SLC24A4: variants seen among roughly 807,000 people sequenced by gnomAD.
The protein encoded by SLC24A4 is solute carrier family 24 member 4, also known as sodium/potassium/calcium exchanger 4.
SLC24A4 carries 53 observed loss-of-function variants against 79.0 expected under a neutral mutation model. The ratio of observed to expected loss-of-function variants is 0.67; its 90% confidence interval spans 0.54 to 0.84. The LOEUF (loss-of-function observed/expected upper bound fraction) is 0.84, where lower values mean the gene tolerates loss of function less well. Among genes scored for constraint, SLC24A4 ranks in the 40% least tolerant of loss-of-function variants. The pLI, the probability that SLC24A4 is intolerant of heterozygous loss-of-function variation, is 0.00. For synonymous variants in SLC24A4, 323 were observed against 323.8 expected (o/e 1.00, Z 0.03); for missense variants, 731 against 822.0 (o/e 0.89, Z 1.35).
rs1444683440 is a variant in SLC24A4, at chr14:92,343,669, CTT to C, written c.241+17692_241+17693del. 9.1e-3 allele frequency among the ~76,000 whole-genome samples: 1,211 copies of C among 132,834 alleles called. 14 individuals are homozygous for C. The highest frequency in any genetic ancestry group is 0.021 in the East Asian group (96 of 4,566). 87.1% of individuals were successfully genotyped at this position (132,834 alleles called of 152,430 possible). On this transcript the variant is annotated intron_variant, in intron 2 of 16. Coordinates refer to ENST00000532405, the MANE Select transcript of SLC24A4 (RefSeq NM_153646.4). ...CTTTCCTTCTTTCCTTCCTTCCTTC[CTT>C]CCTTCCTTCCTTCCTTCCTTCCTTC...
At chr14:92,340,486 A>T (rs2141615435) in intron 2 of SLC24A4, among the ~76,000 whole-genome samples, 1 of 152,264 alleles carries the variant, frequency 6.6e-6, no homozygotes, top group Middle Eastern at 3.4e-3. Flanking sequence ...GTGAGAGAGA[A>T]CTTGACCAAA....
At chr14:92,484,648 G>A in intron 13 of SLC24A4, 1 of 985,348 alleles carries the variant, frequency 1.0e-6, no homozygotes, top group South Asian at 4.7e-5. Flanking sequence ...CTCACACTTG[G>A]AACACCCTGG....
At chr14:92,468,411 C>T (rs967650190) in intron 12 of SLC24A4, among the ~76,000 whole-genome samples, 13 of 152,132 alleles carry the variant, frequency 8.5e-5, no homozygotes, top group African/African-American at 3.1e-4. Flanking sequence ...ACAAGCTGAT[C>T]CTAAAATTCA....
intron 2 of SLC24A4, among the ~76,000 whole-genome samples, chr14:92,340,353 C>T (rs1306969261): frequency 6.6e-6 from 1 of 152,242 alleles, no homozygotes; most frequent in Non-Finnish European, 1.5e-5. Flanking sequence ...CCCGGCATGG[C>T]TGGAAGCCTT....
chr14:92,374,729 A>G (rs1001120390), intron 2 of SLC24A4, among the ~76,000 whole-genome samples: 3 of 152,244 alleles, frequency 2.0e-5, no homozygotes, highest in Non-Finnish European at 2.9e-5. Flanking sequence ...TAAGGCTTAA[A>G]AAATAGAATG....
chr14:92,361,395 G>C lies in SLC24A4; in HGVS notation c.241+35417G>C, dbSNP rs1005294150. Among the ~76,000 whole-genome samples the C allele has an allele frequency of 4.0e-5, 6 of 151,820 alleles. 1 individual carries two copies. Among genetic ancestry groups the C allele is most frequent in the Admixed American group, 2.0e-4 (3 of 15,222 alleles). ...GGCTTGGGAAAGTGCAAAGGAGGGG[G>C]CAGCTTGATGAACTACTTTGAACCA... On this transcript the variant is annotated intron_variant, in intron 2 of 16. Coordinates refer to ENST00000532405, the MANE Select transcript of SLC24A4 (RefSeq NM_153646.4).
At chr14:92,436,327 G>A (rs1364305524) in intron 3 of SLC24A4, among the ~76,000 whole-genome samples, 1 of 152,034 alleles carries the variant, frequency 6.6e-6, no homozygotes, top group East Asian at 1.9e-4. Context: ...TTTTATTGGA[G>A]CACTGCCACA....
chr14:92,492,995 C>G, intron 16 of SLC24A4: 1 of 381,110 alleles, frequency 2.6e-6, no homozygotes. Context: ...CACACACACA[C>G]ACACACACAC....
chr14:92,387,701 A>C (rs1313587520), intron 2 of SLC24A4, among the ~76,000 whole-genome samples: 1 of 152,198 alleles, frequency 6.6e-6, no homozygotes, highest in East Asian at 1.9e-4. Context: ...ACCCATGAGC[A>C]CTAACTCCAC....
chr14:92,377,121 A>G (rs1016953518), intron 2 of SLC24A4, among the ~76,000 whole-genome samples: 2 of 152,184 alleles, frequency 1.3e-5, no homozygotes, highest in Non-Finnish European at 2.9e-5. Flanking sequence ...AGGGATGAGT[A>G]ACCTCTCCAG....
intron 2 of SLC24A4, among the ~76,000 whole-genome samples, chr14:92,388,853 A>G (rs974655689): frequency 3.9e-5 from 6 of 152,192 alleles, no homozygotes; most frequent in Non-Finnish European, 7.3e-5. Context: ...ACTGGGGCCC[A>G]GGAGACATCT....
At position 92,387,664 on chromosome 14, in the gene SLC24A4, T is replaced by C. The variant is rs75775139; in HGVS notation, c.242-46248T>C. Among the ~76,000 whole-genome samples the C allele has an allele frequency of 1.7e-3, 263 of 152,332 alleles. 1 individual carries two copies. The highest frequency in any genetic ancestry group is 6.2e-3 in the African/African-American group (256 of 41,588). ...TCACCACCATTGGTCTCCAGAACTTTCTCACCATCCCAAGCTGAACCTCTG... is the reference window on the plus strand; with the variant it reads ...TCACCACCATTGGTCTCCAGAACTTCCTCACCATCCCAAGCTGAACCTCTG... On this transcript the variant is annotated intron_variant, in intron 2 of 16. Transcript: ENST00000532405.
At chr14:92,395,818 T>A (rs1415155789) in intron 2 of SLC24A4, among the ~76,000 whole-genome samples, 2 of 151,054 alleles carry the variant, frequency 1.3e-5, no homozygotes, top group Admixed American at 1.3e-4. Context: ...TTTTCATATT[T>A]ATTATTTATT....
intron 2 of SLC24A4, among the ~76,000 whole-genome samples, chr14:92,339,614 C>T (rs1391671617): frequency 6.6e-6 from 1 of 152,174 alleles, no homozygotes; most frequent in Non-Finnish European, 1.5e-5. Context: ...GGAGGGTCCC[C>T]CTGGCTGAGG....
chr14:92,400,664 G>A (rs967745014), intron 2 of SLC24A4, among the ~76,000 whole-genome samples: 1 of 152,258 alleles, frequency 6.6e-6, no homozygotes, highest in Admixed American at 6.5e-5. Context: ...AACTGAGAAT[G>A]TAATCCTCTT....
At chr14:92,428,005 A>C (rs904991694) in intron 2 of SLC24A4, among the ~76,000 whole-genome samples, 1 of 152,230 alleles carries the variant, frequency 6.6e-6, no homozygotes. Flanking sequence ...CCAGACACCG[A>C]ATCTGCCAGT....
intron 2 of SLC24A4, among the ~76,000 whole-genome samples, chr14:92,338,729 T>C (rs570079683): frequency 7.9e-5 from 12 of 152,300 alleles, no homozygotes; most frequent in South Asian, 6.2e-4. Context: ...ATGAAAAAAA[T>C]CACCCTACTT....
At chr14:92,473,485 A>G (rs1175048717) in intron 12 of SLC24A4, among the ~76,000 whole-genome samples, 1 of 152,242 alleles carries the variant, frequency 6.6e-6, no homozygotes, top group African/African-American at 2.4e-5. Flanking sequence ...GCATGGATTG[A>G]AAAGCTCCTC....
chr14:92,343,653 T>TTTCCTTCCTTCCTTCCCTCCTTCC (rs1886338462), intron 2 of SLC24A4, among the ~76,000 whole-genome samples: 11 of 34,256 alleles, frequency 3.2e-4, no homozygotes, highest in Middle Eastern at 0.014. Flanking sequence ...TCTTTCCTTC[T>TTTCCTTCCTTCCTTCCCTCCTTCC]TTCCTTCCTT....
Sources: allele counts gnomAD v4.1 joint callset (sites outside exome capture counted in the v4.1 genomes callset), GRCh38; gene constraint gnomAD v4.1.1; transcripts MANE v1.5; gene names NCBI Gene and HGNC (gene_info 2026-07-23, HGNC 2026-07-21).